NPAT: variants seen among roughly 807,000 people sequenced by gnomAD.
NPAT encodes nuclear protein, coactivator of histone transcription, also known as protein NPAT.
In NPAT, 52 loss-of-function variants were observed where a neutral mutation model predicts 130.7. The observed-to-expected ratio is 0.40, with a 90% CI of 0.32 to 0.50. NPAT has a LOEUF of 0.50. NPAT is among the 20% of genes least tolerant of loss of function. The pLI is 0.68. For synonymous variants in NPAT, 580 were observed against 584.8 expected, an observed-to-expected ratio of 0.99 and a Z score of 0.12; for missense variants, 1,687 against 1,662.6, an observed-to-expected ratio of 1.01 and a Z score of -0.26.
Position 108,188,183 on chromosome 11 carries a change from T to C in NPAT, c.557-4A>G. On this transcript the variant is annotated splice_polypyrimidine_tract_variant and splice_region_variant and intron_variant, in intron 6 of 17. Transcript: ENST00000278612. ...ATGACATTTAAAGCTTCTCCAGCTG[T>C]ATTTCAAGAAAACATAACAGTAAGC... 6.2e-7 allele frequency: 1 copy of C among 1,612,146 alleles called. No individual in the cohort carries two copies. The highest frequency in any genetic ancestry group is 8.5e-7 in the Non-Finnish European group (1 of 1,178,330).
chr11:108,213,146 G>T (rs1397544613), intron 1 of NPAT, among the ~76,000 whole-genome samples: 1 of 151,426 alleles, frequency 6.6e-6, no homozygotes, highest in Non-Finnish European at 1.5e-5. Flanking sequence ...GGTGATGCAT[G>T]CCTGTAATCC....
intron 17 of NPAT, 41 bp from the exon 18 acceptor site, chr11:108,159,060 C>A: frequency 7.5e-7 from 1 of 1,327,388 alleles, no homozygotes; most frequent in Non-Finnish European, 1.1e-6. Context: ...CAAAACAAGG[C>A]CAAAATGCTT....
rs139107735 is a variant in NPAT, at chr11:108,185,364, G to A, written c.818+39C>T. The A allele has an allele frequency of 1.5e-3, 2,295 of 1,576,896 alleles. 6 individuals are homozygous for A. Among genetic ancestry groups the A allele is most frequent in the Non-Finnish European group, 1.7e-3 (1,913 of 1,149,416 alleles). ...AATCTTTATTATAGTTATGCAATTA[G>A]GCAAAAACAATTAGGCATTTTAAAC... is the stretch of plus-strand genomic sequence containing the variant. On this transcript the variant is annotated intron_variant, in intron 9 of 17. Coordinates refer to ENST00000278612, the MANE Select transcript of NPAT (RefSeq NM_002519.3).
intron 10 of NPAT, among the ~76,000 whole-genome samples, chr11:108,180,917 A>T: frequency 6.6e-6 from 1 of 152,248 alleles, no homozygotes; most frequent in East Asian, 1.9e-4. Flanking sequence ...ATATTATACC[A>T]AGTGAAATAA....
At chr11:108,214,324 C>T (rs1290728922) in intron 1 of NPAT, among the ~76,000 whole-genome samples, 2 of 152,134 alleles carry the variant, frequency 1.3e-5, no homozygotes, top group African/African-American at 2.4e-5. Context: ...AGGCTGAAAA[C>T]ATTATGCTAT....
intron 10 of NPAT, among the ~76,000 whole-genome samples, chr11:108,178,476 A>C (rs1478124144): frequency 6.6e-6 from 1 of 152,198 alleles, no homozygotes; most frequent in East Asian, 1.9e-4. Context: ...TAAGATTCCC[A>C]TACTATTTAA....
At chr11:108,183,718 T>C (rs905153112) in intron 10 of NPAT, among the ~76,000 whole-genome samples, 1 of 151,974 alleles carries the variant, frequency 6.6e-6, no homozygotes, top group African/African-American at 2.4e-5. Flanking sequence ...AGGAGAATCG[T>C]TTGAACTCAG....
At position 108,164,790 on chromosome 11, in the gene NPAT, T is replaced by C. The variant is rs2077885454; in HGVS notation, c.3011-2610A>G. Among the ~76,000 whole-genome samples the C allele has an allele frequency of 2.6e-5, 4 of 152,226 alleles. 1 individual carries two copies. In the South Asian group the frequency reaches 8.3e-4, roughly 32 times the overall value. On this transcript the variant is annotated intron_variant, in intron 15 of 17. Transcript: ENST00000278612. Reference sequence around the variant, plus strand: ...ACTTTGGGAGGCCGAGGCAGGCAGATCACCTGAGGTCAGGAGTTCGAGACC... The same window carrying C: ...ACTTTGGGAGGCCGAGGCAGGCAGACCACCTGAGGTCAGGAGTTCGAGACC...
At chr11:108,176,123 A>T in intron 12 of NPAT, 123 bp downstream of exon 12, 1 of 733,620 alleles carries the variant, frequency 1.4e-6, no homozygotes, top group Non-Finnish European at 2.3e-6. Context: ...CAGAGAGAAA[A>T]ATACAAAAAT....
chr11:108,197,510 G>T, intron 1 of NPAT, 90 bp from the exon 2 acceptor site: 1 of 861,714 alleles, frequency 1.2e-6, no homozygotes, highest in Non-Finnish European at 2.0e-6. Flanking sequence ...ATGTACTGAT[G>T]TCACAATTGA....
rs759646264 is a variant in NPAT at position 108,194,069 on chromosome 11, T to C, written c.157-52A>G. On this transcript the variant is annotated intron_variant, in intron 2 of 17. Transcript: ENST00000278612. ...CAAAATTGTATAATACTACCAATAA[T>C]TTCTCACAAGAAAAGATTCTACCAT... 24 of 950,036 alleles carry C rather than the reference T, an allele frequency of 2.5e-5. No individual in the cohort carries two copies. In the East Asian group the frequency reaches 5.3e-4, roughly 21 times the overall value. The allele number at this position is 950,036 out of a possible 1,614,324, so 58.9% of individuals were successfully genotyped here. A position where few individuals can be genotyped will look rare whatever the true frequency, so the allele number is the denominator to read the frequency against.
rs761442121 is a variant in NPAT at position 108,192,100 on chromosome 11, A to G, written c.290+18T>C. ...TTTGCATTCCAAAATCATTAGGCAC[A>G]TTCTAATAGCTTATTACCTGATCTG... is the stretch of plus-strand genomic sequence containing the variant. On this transcript the variant is annotated intron_variant, in intron 4 of 17. Transcript: ENST00000278612. 85 of 1,534,754 alleles carry G rather than the reference A, an allele frequency of 5.5e-5. No individual in the cohort carries two copies. Among genetic ancestry groups the G allele is most frequent in the Non-Finnish European group, 7.2e-5 (80 of 1,107,730 alleles).
chr11:108,221,374 A>G (rs1273208869), intron 1 of NPAT, among the ~76,000 whole-genome samples: 2 of 152,238 alleles, frequency 1.3e-5, no homozygotes, highest in Admixed American at 1.3e-4. Context: ...ACTCAACTAG[A>G]TTACCAAACT....
rs1216348825 is a variant in NPAT at position 108,189,223 on chromosome 11, A to C, written c.439T>G (p.Phe147Val). ...LLTLPYLSGQ[F>V]TTPPSTGTQV... ...GTACCTGTGGAAGGAGGAGTGGTAA[A>C]CTGTCCTGAAAGGTAAGGTAAAGTG... The change falls in exon 6 of 18, where the codon TTT (phenylalanine) becomes GTT (valine). Residue 147 changes from phenylalanine to valine, a missense_variant. Transcript: ENST00000278612. 2 of 1,614,058 alleles carry C rather than the reference A, an allele frequency of 1.2e-6. No individual in the cohort carries two copies. Among genetic ancestry groups the C allele is most frequent in the Non-Finnish European group, 1.7e-6 (2 of 1,180,024 alleles).
At chr11:108,214,909 A>G (rs1168306643) in intron 1 of NPAT, among the ~76,000 whole-genome samples, 1 of 152,208 alleles carries the variant, frequency 6.6e-6, no homozygotes, top group African/African-American at 2.4e-5. Context: ...CTGGGATTAC[A>G]CGCGTGAGCC....
intron 7 of NPAT, 59 bp from the exon 8 acceptor site, chr11:108,186,628 A>T (rs2078110607): frequency 7.5e-7 from 1 of 1,332,708 alleles, no homozygotes; most frequent in Non-Finnish European, 1.1e-6. Context: ...TTTAAAGATA[A>T]ATACATATAC....
Position 108,169,727 on chromosome 11 carries a change from G to T in NPAT, c.3010+17C>A. Reference sequence around the variant, plus strand: ...ATACAAACATAAAGTTAACATTAATGAAATTAAAAATGGTACCTATACAAG... The same window carrying T: ...ATACAAACATAAAGTTAACATTAATTAAATTAAAAATGGTACCTATACAAG... On this transcript the variant is annotated intron_variant, in intron 15 of 17. Transcript: ENST00000278612. The T allele has an allele frequency of 6.6e-7, 1 of 1,509,492 alleles. No homozygotes were observed. The highest frequency in any genetic ancestry group is 1.1e-5 in the South Asian group (1 of 88,944). 93.5% of individuals were successfully genotyped at this position (1,509,492 alleles called of 1,614,324 possible).
intron 1 of NPAT, among the ~76,000 whole-genome samples, chr11:108,203,924 C>A (rs2134884058): frequency 6.6e-6 from 1 of 152,236 alleles, no homozygotes; most frequent in Admixed American, 6.5e-5. Flanking sequence ...TATATTTAAC[C>A]TCCTTGTAAA....
intron 1 of NPAT, among the ~76,000 whole-genome samples, chr11:108,202,006 AATG>A (rs1479161019): frequency 6.6e-6 from 1 of 151,956 alleles, no homozygotes. Flanking sequence ...AGTCACCCTA[AATG>A]ATATTATTGA....
Sources: allele counts gnomAD v4.1 joint callset (sites outside exome capture counted in the v4.1 genomes callset), GRCh38; gene constraint gnomAD v4.1.1; transcripts MANE v1.5; gene names NCBI Gene and HGNC (gene_info 2026-07-23, HGNC 2026-07-21).